The following APPL2 variants were observed in gnomAD, a reference collection of about 807,000 sequenced individuals.
The protein encoded by APPL2 is DCC-interacting protein 13-beta.
Under a neutral mutation model 92.7 loss-of-function variants are expected in APPL2, and 84 were observed. The ratio of observed to expected loss-of-function variants is 0.91; its 90% CI spans 0.76 to 1.09. APPL2 has a LOEUF of 1.09. Ranked by LOEUF, APPL2 falls within the 50% of genes least tolerant of loss-of-function variation. The pLI is 0.00. For missense variants in APPL2, 736 were observed against 824.5 expected (o/e 0.89, Z 1.31); for synonymous variants, 291 against 291.0 (o/e 1.00, Z 0.00).
chr12:105,209,669 C>G (rs533672566), intron 5 of APPL2, among the ~76,000 whole-genome samples: 1 of 152,282 alleles, frequency 6.6e-6, no homozygotes, highest in African/African-American at 2.4e-5. Flanking sequence ...AAAAAATGCA[C>G]CCACTAAGGC....
rs1888882769 is a variant in APPL2 at position 105,207,976 on chromosome 12, C to T, written c.469G>A (p.Glu157Lys). ...YSRLPKKKEN[E>K]KVKTEVGKEV... ...AACATGTAAAGTATTCTTACCTTCT[C>T]ATTCTCCTTTTTCTTAGGCAGCCTG... Residue 157 changes from glutamate (E) to lysine (K), a missense_variant, in exon 7 of 21, where the codon GAG becomes AAG. Physicochemically the swap from Glu to Lys is moderately conservative, Grantham distance 56 (BLOSUM62 1). Coordinates refer to ENST00000258530, the MANE Select transcript of APPL2 (RefSeq NM_018171.5). 1.9e-6 allele frequency: 3 copies of T among 1,612,888 alleles called. No individual in the cohort carries two copies. Among genetic ancestry groups the T allele is most frequent in the African/African-American group, 1.3e-5 (1 of 74,888 alleles).
In APPL2 at chr12:105,176,926, C is replaced by T. The variant is rs1214016584; in HGVS notation, c.1762G>A (p.Glu588Lys). 6.2e-7 allele frequency: 1 copy of T among 1,613,992 alleles called. No homozygotes were observed. Among genetic ancestry groups the T allele is most frequent in the African/African-American group, 1.3e-5 (1 of 74,916 alleles). ...FVIRVPESTG[E>K]ESLSTYIFES... ...AAAATGTATGTACTCAGAGATTCTTCTCCAGTGGATTCAGGAACACGGATG... is the reference window on the plus strand; with the variant it reads ...AAAATGTATGTACTCAGAGATTCTTTTCCAGTGGATTCAGGAACACGGATG... The change falls in exon 19 of 21, where the codon GAA becomes AAA. Residue 588 changes from glutamate (E) to lysine (K), a missense_variant. Glu to Lys is a moderately conservative substitution (Grantham distance 56). Coordinates refer to ENST00000258530, the MANE Select transcript of APPL2 (RefSeq NM_018171.5).
intron 1 of APPL2, chr12:105,235,194 G>C (rs1003008311): frequency 6.6e-6 from 1 of 152,180 alleles, no homozygotes; most frequent in Non-Finnish European, 1.5e-5. Flanking sequence ...TTAAACAAAG[G>C]AGAACAAAAG....
At chr12:105,234,099 G>A (rs1214339320) in intron 1 of APPL2, among the ~76,000 whole-genome samples, 1 of 152,130 alleles carries the variant, frequency 6.6e-6, no homozygotes, top group East Asian at 1.9e-4. Flanking sequence ...GCACCATCAA[G>A]AGCCCTCTTA....
intron 14 of APPL2, among the ~76,000 whole-genome samples, chr12:105,194,784 A>AAG (rs1887499771): frequency 1.4e-5 from 2 of 145,196 alleles, no homozygotes; most frequent in East Asian, 4.3e-4. Context: ...GAAATAGTTA[A>AAG]AAAAAAAAAA....
intron 1 of APPL2, among the ~76,000 whole-genome samples, chr12:105,234,012 T>A (rs181307221): frequency 3.3e-5 from 5 of 152,286 alleles, no homozygotes; most frequent in Non-Finnish European, 7.4e-5. Flanking sequence ...ACAGGTCACA[T>A]ACAAGAGAGT....
chr12:105,235,848 G>C lies in APPL2; in HGVS notation c.54+111C>G, dbSNP rs988218565. 3 of 868,918 alleles carry C rather than the reference G, an allele frequency of 3.5e-6. No individual in the cohort carries two copies. In the African/African-American group the frequency reaches 5.3e-5, roughly 15 times the overall value. 53.8% of individuals were successfully genotyped at this position (868,918 alleles called of 1,614,324 possible). On this transcript the variant is annotated intron_variant, in intron 1 of 20. Transcript: ENST00000258530. ...CGGTGGGAGGCGCCGCGAGGGGGCCGGGCGCACTCCCGCGGCTGCCCGGCC... is the reference window on the plus strand; with the variant it reads ...CGGTGGGAGGCGCCGCGAGGGGGCCCGGCGCACTCCCGCGGCTGCCCGGCC...
At chr12:105,228,056 G>A (rs1002706229) in intron 2 of APPL2, among the ~76,000 whole-genome samples, 3 of 152,096 alleles carry the variant, frequency 2.0e-5, no homozygotes, top group South Asian at 2.1e-4. Context: ...GCTCCCCAAC[G>A]GCAAGGACTG....
intron 2 of APPL2, among the ~76,000 whole-genome samples, chr12:105,224,946 G>T (rs1273207258): frequency 4.6e-5 from 7 of 152,076 alleles, no homozygotes; most frequent in African/African-American, 1.4e-4. Flanking sequence ...ACCCCAATTT[G>T]AGAAAATACT....
At position 105,174,276 on chromosome 12, in the gene APPL2, T is replaced by G; in HGVS notation, c.*38A>C. Reference sequence around the variant, plus strand: ...CGTTAAAACCCTTAGGAGGTAGCTCTCCTTCCTGTTTGCTCTTCCCCCACA... The same window carrying G: ...CGTTAAAACCCTTAGGAGGTAGCTCGCCTTCCTGTTTGCTCTTCCCCCACA... On this transcript the variant is annotated 3_prime_UTR_variant, in exon 21 of 21. Coordinates refer to ENST00000258530, the MANE Select transcript of APPL2 (RefSeq NM_018171.5). 2 of 1,609,392 alleles carry G rather than the reference T, an allele frequency of 1.2e-6. No homozygotes were observed. The highest frequency in any genetic ancestry group is 1.7e-6 in the Non-Finnish European group (2 of 1,177,722).
At chr12:105,224,510 C>T (rs531116722) in intron 2 of APPL2, among the ~76,000 whole-genome samples, 11 of 152,252 alleles carry the variant, frequency 7.2e-5, no homozygotes, top group East Asian at 5.8e-4. Context: ...TAAGAGCGAA[C>T]GCAGGCTTTG....
At chr12:105,200,067 C>G (rs1009184628) in intron 9 of APPL2, among the ~76,000 whole-genome samples, 2 of 152,080 alleles carry the variant, frequency 1.3e-5, no homozygotes, top group Admixed American at 1.3e-4. Context: ...ATCTCCTGAC[C>G]TTGTGATCCG....
At chr12:105,224,278 C>A (rs1890334638) in intron 2 of APPL2, among the ~76,000 whole-genome samples, 1 of 152,136 alleles carries the variant, frequency 6.6e-6, no homozygotes, top group Non-Finnish European at 1.5e-5. Flanking sequence ...TGCTAAAACA[C>A]ACTGATTAGA....
chr12:105,186,631 T>TATATGATATCA (rs368764204), intron 17 of APPL2, among the ~76,000 whole-genome samples: 1 of 121,772 alleles, frequency 8.2e-6, no homozygotes. Flanking sequence ...ATATATCATA[T>TATATGATATCA]ATATCATATA....
intron 5 of APPL2, among the ~76,000 whole-genome samples, chr12:105,209,764 A>C (rs1046531169): frequency 6.6e-5 from 10 of 152,182 alleles, no homozygotes; most frequent in Non-Finnish European, 1.3e-4. Flanking sequence ...CAACACTAAA[A>C]AGCACTAAAA....
chr12:105,199,428 C>T lies in APPL2; in HGVS notation c.808G>A (p.Ala270Thr), dbSNP rs150958291. Residue 270 changes from alanine to threonine, a missense_variant, in exon 10 of 21, where the codon GCA becomes ACA. Transcript: ENST00000258530. ...ATGAGGTTCCTGTTGATCTGTGGTG[C>T]GGCCACATCAGAGTCTGGAGTGTAA... is the stretch of plus-strand genomic sequence containing the variant. ...SVYTPDSDVA[A>T]PQINRNLIQK... 7 of 1,613,856 alleles carry T rather than the reference C, an allele frequency of 4.3e-6. No individual in the cohort carries two copies. The highest frequency in any genetic ancestry group is 2.2e-5 in the East Asian group (1 of 44,892).
At chr12:105,213,105 T>C (rs1371205177) in intron 4 of APPL2, among the ~76,000 whole-genome samples, 1 of 152,218 alleles carries the variant, frequency 6.6e-6, no homozygotes, top group African/African-American at 2.4e-5. Context: ...ATTCAATCAA[T>C]ATAATAGCCC....
intron 2 of APPL2, among the ~76,000 whole-genome samples, chr12:105,220,842 C>T (rs575844115): frequency 1.1e-3 from 173 of 152,336 alleles, no homozygotes; most frequent in Non-Finnish European, 8.8e-5. Context: ...GCACAGCGTG[C>T]AACACACAAC....
chr12:105,207,222 A>G lies in APPL2; in HGVS notation c.475-15T>C. Reference sequence around the variant, plus strand: ...TCGGTCTTCACCTGGTTAAAAGGTGAAAGGAAAACTTCAAGTTGTCTACTG... The same window carrying G: ...TCGGTCTTCACCTGGTTAAAAGGTGGAAGGAAAACTTCAAGTTGTCTACTG... On this transcript the variant is annotated splice_polypyrimidine_tract_variant and intron_variant, in intron 7 of 20. Coordinates refer to ENST00000258530, the MANE Select transcript of APPL2 (RefSeq NM_018171.5). The G allele has an allele frequency of 6.2e-7, 1 of 1,607,650 alleles. No homozygotes were observed.
Sources: gnomAD v4.1 joint callset for allele counts (sites outside exome capture counted in the v4.1 genomes callset) on GRCh38, gnomAD v4.1.1 for gene constraint, MANE v1.5 for transcripts, NCBI Gene and HGNC (gene_info 2026-07-23, HGNC 2026-07-21) for gene names.